Variants in C1RL observed in about 807,000 individuals in gnomAD.
C1RL encodes the protein complement C1r subcomponent like.
Under a neutral mutation model 27.9 loss-of-function variants are expected in C1RL, and 27 were observed. The ratio of observed to expected loss-of-function variants is 0.97; its 90% confidence interval spans 0.71 to 1.33. C1RL has a LOEUF of 1.33. Among genes scored for constraint, C1RL ranks in the 40% most tolerant of loss-of-function variants. The pLI, the probability that C1RL is intolerant of heterozygous loss-of-function variation, is 0.00. For missense variants in C1RL, 563 were observed against 623.9 expected (o/e 0.90, Z 1.04); for synonymous variants, 248 against 252.1 (o/e 0.98, Z 0.15).
chr12:7,108,319 C>A lies in C1RL; in HGVS notation c.232G>T (p.Ala78Ser). The change falls in exon 2 of 6, where the codon GCT becomes TCT. Residue 78 changes from alanine (A) to serine (S), a missense_variant. Ala to Ser is a moderately conservative substitution (Grantham distance 99). Transcript: ENST00000266542. The stretch of plus-strand genomic sequence containing the variant: ...AAGTCCTGGAAGACGAGCCTCACAG[C>A]AAAGCCCTCTGGAGCCTTGATGTCC... ...STDIKAPEGF[A>S]VRLVFQDFDL... The A allele has an allele frequency of 6.2e-7, 1 of 1,614,256 alleles. No homozygotes were observed. Among genetic ancestry groups the A allele is most frequent in the Non-Finnish European group, 8.5e-7 (1 of 1,180,038 alleles).
Position 7,096,292 on chromosome 12 carries a change from C to T in C1RL, c.*99G>A. The T allele has an allele frequency of 8.9e-7, 1 of 1,118,746 alleles. No individual in the cohort carries two copies. The highest frequency in any genetic ancestry group is 1.6e-5 in the African/African-American group (1 of 60,948). 69.3% of individuals were successfully genotyped at this position (1,118,746 alleles called of 1,614,324 possible). A position where few individuals can be genotyped will look rare whatever the true frequency, so the allele number is the denominator to read the frequency against. On this transcript the variant is annotated 3_prime_UTR_variant, in exon 6 of 6. Transcript: ENST00000266542. ...GGATTTCCCTGCCTCCCCCAACCCC[C>T]CACCCCCAACCCCTACCCCAGTGTT...
In C1RL at chr12:7,096,536, T is replaced by C. The variant is rs753114917; in HGVS notation, c.1319A>G (p.Tyr440Cys). 5.0e-6 allele frequency: 8 copies of C among 1,614,132 alleles called. No individual in the cohort carries two copies. In the Admixed American group the frequency reaches 6.7e-5, roughly 13 times the overall value. The change falls in exon 6 of 6, where the codon TAT becomes TGT. Residue 440 changes from tyrosine to cysteine, a missense_variant. Coordinates refer to ENST00000266542, the MANE Select transcript of C1RL (RefSeq NM_016546.4). ...ATGGGCATGATTGTCCCATACCACA[T>C]AGACGCTGCCACTGTCCCCCTGGCA... ...SVCQGDSGSV[Y>C]VVWDNHAHHW... is the part of the protein sequence containing the mutation.
At chr12:7,108,993 G>C (rs867630274) in intron 1 of C1RL, 117 bp downstream of exon 1, 2 of 385,090 alleles carry the variant, frequency 5.2e-6, no homozygotes, top group Non-Finnish European at 9.3e-6. Flanking sequence ...GTGTGTGGGG[G>C]GGGGGGGGAT....
chr12:7,102,058 C>A lies in C1RL; in HGVS notation c.330G>T (p.Gln110His), dbSNP rs759711744. The change falls in exon 3 of 6, where the codon CAG becomes CAT. Residue 110 changes from glutamine (Q) to histidine (H), a missense_variant. Coordinates refer to ENST00000266542, the MANE Select transcript of C1RL (RefSeq NM_016546.4). ...TISFVGSDPS[Q>H]FCGQQGSPLG... ...GAGGGGAGCCTTGCTGACCACAGAA[C>A]TGGCTTGGATCCGAACCGACGAATG... 1 of 1,612,554 alleles carries A rather than the reference C, an allele frequency of 6.2e-7. No individual in the cohort carries two copies. The highest frequency in any genetic ancestry group is 2.2e-5 in the East Asian group (1 of 44,818).
intron 2 of C1RL, among the ~76,000 whole-genome samples, chr12:7,107,688 G>A (rs933491723): frequency 3.3e-5 from 5 of 152,186 alleles, no homozygotes; most frequent in Admixed American, 2.6e-4. Context: ...CTTGAACCCT[G>A]GGCTCCAGCC....
intron 2 of C1RL, among the ~76,000 whole-genome samples, chr12:7,105,142 C>T (rs1243410554): frequency 2.0e-5 from 3 of 152,200 alleles, no homozygotes; most frequent in Admixed American, 6.5e-5. Flanking sequence ...CTTTTACATC[C>T]TGACAGTTGG....
In C1RL at chr12:7,096,280, TCCCCCAACCCCCCA is replaced by T. The variant is rs1938421945; in HGVS notation, c.*97_*110del. On this transcript the variant is annotated 3_prime_UTR_variant, in exon 6 of 6. Transcript: ENST00000266542. ...GTGATGTGAATAGGATTTCCCTGCC[TCCCCCAACCCCCCA>T]CCCCCAACCCCTACCCCAGTGTTCA... The T allele has an allele frequency of 2.0e-6, 2 of 994,734 alleles. No individual in the cohort carries two copies. The highest frequency in any genetic ancestry group is 9.6e-5 in the East Asian group (1 of 10,414). 61.6% of individuals were successfully genotyped at this position (994,734 alleles called of 1,614,324 possible).
At chr12:7,107,747 G>A (rs892498613) in intron 2 of C1RL, among the ~76,000 whole-genome samples, 4 of 152,172 alleles carry the variant, frequency 2.6e-5, no homozygotes, top group Non-Finnish European at 4.4e-5. Flanking sequence ...GGGACTGCAA[G>A]CTTGCATCAC....
In C1RL at chr12:7,096,274, C is replaced by A; in HGVS notation, c.*117G>T. On this transcript the variant is annotated 3_prime_UTR_variant, in exon 6 of 6. Coordinates refer to ENST00000266542, the MANE Select transcript of C1RL (RefSeq NM_016546.4). ...GCAACAGTGATGTGAATAGGATTTC[C>A]CTGCCTCCCCCAACCCCCCACCCCC... 1 of 1,390,470 alleles carries A rather than the reference C, an allele frequency of 7.2e-7. No individual in the cohort carries two copies. Among genetic ancestry groups the A allele is most frequent in the South Asian group, 1.6e-5 (1 of 63,454 alleles). The allele number at this position is 1,390,470 out of a possible 1,614,324, so 86.1% of individuals were successfully genotyped here. A position where few individuals can be genotyped will look rare whatever the true frequency, so the allele number is the denominator to read the frequency against.
chr12:7,096,724 C>A lies in C1RL; in HGVS notation c.1131G>T (p.Gly377=). The change falls in exon 6 of 6, where the codon GGG becomes GGT. Residue 377 remains glycine (G), a synonymous_variant. Transcript: ENST00000266542. ...TTAGCCAGCCCATCTCCATGCCAAACCCACTGACGTAGCCCAACAAGCCGC... is the reference window on the plus strand; with the variant it reads ...TTAGCCAGCCCATCTCCATGCCAAAACCACTGACGTAGCCCAACAAGCCGC... ...YRSGLLGYVS[G]FGMEMGWLTT... 3.7e-6 allele frequency: 6 copies of A among 1,613,586 alleles called. No individual in the cohort carries two copies. Among genetic ancestry groups the A allele is most frequent in the Non-Finnish European group, 5.1e-6 (6 of 1,179,710 alleles).
At chr12:7,106,609 G>A (rs916875973) in intron 2 of C1RL, among the ~76,000 whole-genome samples, 3 of 152,156 alleles carry the variant, frequency 2.0e-5, no homozygotes, top group African/African-American at 4.8e-5. Context: ...CCGATAGACT[G>A]AAATTCATGC....
At chr12:7,101,545 C>A (rs1338730187) in intron 3 of C1RL, 3 of 332,166 alleles carry the variant, frequency 9.0e-6, no homozygotes, top group Non-Finnish European at 1.7e-5. Flanking sequence ...GCTGGGATTA[C>A]AGGCATGAAC....
In C1RL at chr12:7,094,925, A is replaced by G. The variant is rs1217474634; in HGVS notation, c.*1466T>C. The stretch of plus-strand genomic sequence containing the variant: ...CTTTTGTACTGTATGTGGGTGTAAA[A>G]AACAGAAGTAATCACATGTATGTAC... On this transcript the variant is annotated 3_prime_UTR_variant, in exon 6 of 6. Transcript: ENST00000266542. 2.8e-6 allele frequency: 3 copies of G among 1,083,094 alleles called. No homozygotes were observed. Among genetic ancestry groups the G allele is most frequent in the Non-Finnish European group, 3.4e-6 (3 of 886,658 alleles). 67.1% of individuals were successfully genotyped at this position (1,083,094 alleles called of 1,614,324 possible).
chr12:7,102,512 T>A lies in C1RL; in HGVS notation c.301-425A>T, dbSNP rs1938655463. Among the ~76,000 whole-genome samples the A allele has an allele frequency of 2.0e-5, 3 of 152,204 alleles. No homozygotes were observed. The South Asian group carries it at 6.2e-4, about 31-fold the overall frequency. On this transcript the variant is annotated intron_variant, in intron 2 of 5. Transcript: ENST00000266542. The stretch of plus-strand genomic sequence containing the variant: ...AGCGTTGACTCAATGAACATGGGCA[T>A]AAGCCCCTCCCATCCAGCTTCTCCT...
At chr12:7,098,406 G>A (rs1938518071) in intron 5 of C1RL, 1 of 152,198 alleles carries the variant, frequency 6.6e-6, no homozygotes, top group African/African-American at 2.4e-5. Context: ...AGACAGTTTG[G>A]TGGTTCCTCA....
chr12:7,101,982 G>T lies in C1RL; in HGVS notation c.406C>A (p.Arg136=), dbSNP rs773696477. Residue 136 remains arginine (R), a synonymous_variant, in exon 3 of 6, where the codon CGG becomes AGG. Coordinates refer to ENST00000266542, the MANE Select transcript of C1RL (RefSeq NM_016546.4). ...GAAGGCTGTGTGCGGAAGGTCAGCCGCAAACTCCTCCCTGAGGATACAAAC... is the reference window on the plus strand; with the variant it reads ...GAAGGCTGTGTGCGGAAGGTCAGCCTCAAACTCCTCCCTGAGGATACAAAC... ...REFVSSGRSL[R]LTFRTQPSSE... 1 of 1,614,204 alleles carries T rather than the reference G, an allele frequency of 6.2e-7. No homozygotes were observed. Among genetic ancestry groups the T allele is most frequent in the South Asian group, 1.1e-5 (1 of 91,088 alleles).
In C1RL at chr12:7,095,684, A is replaced by T; in HGVS notation, c.*707T>A. ...ACAGCAGGTTAGAGGAGGGTTGAGA[A>T]GTATTGCAGCACACTGGGAAGAGCA... is the stretch of plus-strand genomic sequence containing the variant. On this transcript the variant is annotated 3_prime_UTR_variant, in exon 6 of 6. Transcript: ENST00000266542. The T allele has an allele frequency of 1.0e-6, 1 of 973,734 alleles. No individual in the cohort carries two copies. The highest frequency in any genetic ancestry group is 1.2e-6 in the Non-Finnish European group (1 of 819,218). 60.3% of individuals were successfully genotyped at this position (973,734 alleles called of 1,614,324 possible).
Position 7,104,616 on chromosome 12 carries a change from C to T in C1RL, c.301-2529G>A, listed in dbSNP as rs1938714091. On this transcript the variant is annotated intron_variant, in intron 2 of 5. Coordinates refer to ENST00000266542, the MANE Select transcript of C1RL (RefSeq NM_016546.4). This position sits in a 1 kb window ranked among gnomAD's most constrained non-coding sequence, Gnocchi z 5.4. ...ATGAGTGTGTGAGTGCGTCCTGAAA[C>T]AGGATGGTGTCCTGTCCAGCACTGG... Among the ~76,000 whole-genome samples, 1 of 152,228 alleles carries T rather than the reference C, an allele frequency of 6.6e-6. No homozygotes were observed. Among genetic ancestry groups the T allele is most frequent in the Non-Finnish European group, 1.5e-5 (1 of 68,038 alleles).
Position 7,099,890 on chromosome 12 carries a change from T to C in C1RL, c.616+11A>G, listed in dbSNP as rs761432415. The C allele has an allele frequency of 1.9e-6, 3 of 1,613,794 alleles. No individual in the cohort carries two copies. In the South Asian group the frequency reaches 3.3e-5, roughly 18 times the overall value. On this transcript the variant is annotated intron_variant, in intron 4 of 5. Coordinates refer to ENST00000266542, the MANE Select transcript of C1RL (RefSeq NM_016546.4). ...TGGATGGAAGCCACCCCTCGGCAGG[T>C]GGGGACTCACCTGCTGCCGCGGCCT... is the stretch of plus-strand genomic sequence containing the variant.
Sources: allele counts gnomAD v4.1 joint callset (sites outside exome capture counted in the v4.1 genomes callset), GRCh38; gene constraint gnomAD v4.1.1; non-coding constraint Gnocchi (gnomAD v3.1); transcripts MANE v1.5; gene names NCBI Gene and HGNC (gene_info 2026-07-23, HGNC 2026-07-21).